CNST: variants seen among roughly 807,000 people sequenced by gnomAD.
CNST encodes consortin, connexin sorting protein, also known as consortin.
In CNST, 39 loss-of-function variants were observed where a neutral mutation model predicts 72.4. The ratio of observed to expected loss-of-function variants is 0.54; its 90% confidence interval spans 0.42 to 0.70. CNST has a LOEUF of 0.70. Among genes scored for constraint, CNST ranks in the 30% least tolerant of loss-of-function variants. The probability of loss-of-function intolerance (pLI) is 0.00; values close to 1 mark genes in which losing one functional copy is unlikely to be tolerated. For synonymous variants in CNST, 332 were observed against 320.1 expected (o/e 1.04, Z -0.40); for missense variants, 871 against 868.5 (o/e 1.00, Z -0.04).
intron 6 of CNST, among the ~76,000 whole-genome samples, chr1:246,641,078 A>C (rs1341206414): frequency 6.6e-6 from 1 of 152,170 alleles, no homozygotes; most frequent in East Asian, 1.9e-4. Flanking sequence ...CAGAATATAG[A>C]TTTTTATGTC....
chr1:246,606,313 C>T (rs1221679031), intron 2 of CNST: 3 of 152,062 alleles, frequency 2.0e-5, no homozygotes, highest in East Asian at 1.9e-4. Flanking sequence ...AGAGAACCAC[C>T]CTCCTAGAAG....
At chr1:246,588,846 A>G (rs764749586) in intron 1 of CNST, among the ~76,000 whole-genome samples, 5 of 152,150 alleles carry the variant, frequency 3.3e-5, no homozygotes, top group African/African-American at 4.8e-5. Context: ...ATTTCATAAA[A>G]TGTACAGGTG....
chr1:246,642,161 A>G (rs1310036774), intron 8 of CNST, 124 bp downstream of exon 8: 3 of 423,950 alleles, frequency 7.1e-6, no homozygotes, highest in Non-Finnish European at 7.6e-6. Context: ...TTTTGCACTT[A>G]CATTTTTGTA....
chr1:246,659,527 G>A (rs544996809), intron 9 of CNST, among the ~76,000 whole-genome samples: 102 of 152,066 alleles, frequency 6.7e-4, no homozygotes, highest in Middle Eastern at 3.4e-3. Context: ...CCCGGGAGGC[G>A]GAGATTGCAG....
intron 2 of CNST, among the ~76,000 whole-genome samples, chr1:246,618,499 A>G (rs1274557292): frequency 6.6e-6 from 1 of 152,146 alleles, no homozygotes; most frequent in Non-Finnish European, 1.5e-5. Flanking sequence ...TAGTTTTGCT[A>G]ACGTCTTCAG....
intron 9 of CNST, 146 bp from the exon 10 acceptor site, chr1:246,660,053 T>A: frequency 1.5e-6 from 1 of 653,914 alleles, no homozygotes; most frequent in Non-Finnish European, 2.5e-6. Context: ...TTTTATTCTG[T>A]TAGATTTTGA....
chr1:246,600,701 G>A (rs1160003187), intron 2 of CNST, among the ~76,000 whole-genome samples: 7 of 152,214 alleles, frequency 4.6e-5, no homozygotes, highest in Non-Finnish European at 1.0e-4. Context: ...AGCAAGTTTG[G>A]AGAGAAGAGA....
intron 2 of CNST, among the ~76,000 whole-genome samples, chr1:246,595,283 T>A (rs138687180): frequency 6.6e-6 from 1 of 152,186 alleles, no homozygotes; most frequent in East Asian, 1.9e-4. Flanking sequence ...TCCCTCAGAG[T>A]TTAGTTGCTG....
chr1:246,589,850 T>C (rs1181861263), intron 1 of CNST, among the ~76,000 whole-genome samples: 3 of 152,224 alleles, frequency 2.0e-5, no homozygotes, highest in Non-Finnish European at 4.4e-5. Context: ...TTGATTTGCA[T>C]TTCTCTGATG....
At position 246,591,543 on chromosome 1, in the gene CNST, G is replaced by C. The variant is rs759942406; in HGVS notation, c.-20G>C. On this transcript the variant is annotated 5_prime_UTR_variant, in exon 2 of 11. Coordinates refer to ENST00000366513, the MANE Select transcript of CNST (RefSeq NM_152609.3). ...AAGGTCTTTAATGTAACTTTAAATG[G>C]TTCACCAAAGGATGCTCTAATGGAT... 6.2e-7 allele frequency: 1 copy of C among 1,613,544 alleles called. No homozygotes were observed. The highest frequency in any genetic ancestry group is 8.5e-7 in the Non-Finnish European group (1 of 1,179,650).
chr1:246,584,259 A>G (rs2103015572), intron 1 of CNST, among the ~76,000 whole-genome samples: 1 of 152,358 alleles, frequency 6.6e-6, no homozygotes, highest in East Asian at 1.9e-4. Context: ...TCAGTGATGT[A>G]TCTATGTTAG....
At chr1:246,653,616 C>G (rs992372433) in intron 9 of CNST, among the ~76,000 whole-genome samples, 9 of 152,234 alleles carry the variant, frequency 5.9e-5, no homozygotes, top group African/African-American at 2.2e-4. Context: ...ACCTGTTTTC[C>G]AAATGGCCTC....
intron 4 of CNST, among the ~76,000 whole-genome samples, chr1:246,632,754 C>CA (rs200523682): frequency 0.013 from 1,991 of 152,314 alleles, 17 homozygotes; most frequent in Middle Eastern, 0.037. Context: ...GAAGTAGAAT[C>CA]ACGTGATAAT....
chr1:246,567,185 G>T (rs752128065), intron 1 of CNST, among the ~76,000 whole-genome samples: 1 of 152,138 alleles, frequency 6.6e-6, no homozygotes, highest in Non-Finnish European at 1.5e-5. Flanking sequence ...TAAAAATGAA[G>T]ATGTAAAAGC....
intron 2 of CNST, among the ~76,000 whole-genome samples, chr1:246,605,198 T>G (rs1662633460): frequency 6.6e-6 from 1 of 152,234 alleles, no homozygotes; most frequent in African/African-American, 2.4e-5. Context: ...GTCAGTGTAC[T>G]TCCAATGGAT....
At chr1:246,649,597 T>C (rs1666337642) in intron 9 of CNST, among the ~76,000 whole-genome samples, 1 of 151,812 alleles carries the variant, frequency 6.6e-6, no homozygotes, top group African/African-American at 2.4e-5. Flanking sequence ...TAATTTTACC[T>C]TTTTAGGTAT....
intron 3 of CNST, among the ~76,000 whole-genome samples, chr1:246,623,013 G>A (rs892453674): frequency 5.9e-5 from 9 of 152,010 alleles, no homozygotes; most frequent in Non-Finnish European, 1.3e-4. Flanking sequence ...AGTAGAGATG[G>A]GGTTTCACCA....
chr1:246,657,026 G>C lies in CNST; in HGVS notation c.1837-3173G>C, dbSNP rs143655084. 1.4e-4 allele frequency among the ~76,000 whole-genome samples: 21 copies of C among 152,306 alleles called. No homozygotes were observed. The East Asian group carries it at 3.9e-3, about 28-fold the overall frequency. ...AGCCCAGTGTATTTTAGAAACACTT[G>C]TCAGTCTTTTGAGTGAGACCCCAAA... On this transcript the variant is annotated intron_variant, in intron 9 of 10. Coordinates refer to ENST00000366513, the MANE Select transcript of CNST (RefSeq NM_152609.3).
intron 2 of CNST, among the ~76,000 whole-genome samples, 195 bp downstream of exon 2, chr1:246,592,136 GGTGT>G (rs1661586193): frequency 6.6e-6 from 1 of 152,074 alleles, no homozygotes; most frequent in South Asian, 2.1e-4. Flanking sequence ...CCACCGTATG[GGTGT>G]AACACAATTT....
Sources: allele counts gnomAD v4.1 joint callset (sites outside exome capture counted in the v4.1 genomes callset), GRCh38; gene constraint gnomAD v4.1.1; transcripts MANE v1.5; gene names NCBI Gene and HGNC (gene_info 2026-07-23, HGNC 2026-07-21).